The following NPFFR2 variants were observed in gnomAD, a reference collection of about 807,000 sequenced individuals.
NPFFR2 encodes the protein neuropeptide FF receptor 2.
NPFFR2 carries 15 observed loss-of-function variants against 13.1 expected under a neutral mutation model. The ratio of observed to expected loss-of-function variants is 1.15; its 90% CI spans 0.77 to 1.76. NPFFR2 has a LOEUF of 1.76. Ranked by LOEUF, NPFFR2 falls within the 40% of genes most tolerant of loss-of-function variation. NPFFR2 has a pLI of 0.00. For synonymous variants in NPFFR2, 190 were observed against 175.7 expected, an observed-to-expected ratio of 1.08 and a Z score of -0.65; for missense variants, 572 against 503.5, an observed-to-expected ratio of 1.14 and a Z score of -1.30.
intron 1 of NPFFR2, among the ~76,000 whole-genome samples, chr4:72,109,166 C>G (rs1164060313): frequency 6.6e-6 from 1 of 151,910 alleles, no homozygotes; most frequent in Non-Finnish European, 1.5e-5. Context: ...GAAAAGAAGT[C>G]CAAGGATTTT....
At chr4:72,132,570 C>T (rs1012615929) in intron 2 of NPFFR2, among the ~76,000 whole-genome samples, 10 of 152,158 alleles carry the variant, frequency 6.6e-5, no homozygotes, top group Non-Finnish European at 1.3e-4. Context: ...TGAGGCATTG[C>T]CACATTGTCC....
At chr4:72,133,727 G>A (rs180826978) in intron 2 of NPFFR2, among the ~76,000 whole-genome samples, 222 of 152,062 alleles carry the variant, frequency 1.5e-3, no homozygotes, top group African/African-American at 4.9e-3. Context: ...TTTCACCTCC[G>A]TAGTTAGCTG....
intron 1 of NPFFR2, among the ~76,000 whole-genome samples, chr4:72,043,098 C>G (rs746046945): frequency 4.5e-4 from 69 of 152,136 alleles, no homozygotes; most frequent in Non-Finnish European, 8.4e-4. Context: ...GGTCAATGTA[C>G]ATTTCGGGCC....
intron 1 of NPFFR2, among the ~76,000 whole-genome samples, chr4:72,064,949 G>C (rs367811838): frequency 6.6e-6 from 1 of 152,118 alleles, no homozygotes; most frequent in East Asian, 1.9e-4. Flanking sequence ...CTGCTGGAGG[G>C]ATGCTTGCAG....
At chr4:72,054,092 T>C (rs1400494613) in intron 1 of NPFFR2, among the ~76,000 whole-genome samples, 1 of 151,986 alleles carries the variant, frequency 6.6e-6, no homozygotes, top group African/African-American at 2.4e-5. Context: ...ATTCAATCTA[T>C]AGATTCAATC....
intron 1 of NPFFR2, among the ~76,000 whole-genome samples, chr4:72,058,397 TA>T (rs5859299): frequency 3.4e-4 from 50 of 147,764 alleles, no homozygotes; most frequent in African/African-American, 1.0e-3. Context: ...AAATAAAAAG[TA>T]AAAAAAAAAA....
At chr4:72,035,957 C>T (rs1357683320) in intron 1 of NPFFR2, among the ~76,000 whole-genome samples, 2 of 152,072 alleles carry the variant, frequency 1.3e-5, no homozygotes, top group Non-Finnish European at 2.9e-5. Flanking sequence ...CTCAGTTGAT[C>T]CATATTTTCA....
intron 3 of NPFFR2, among the ~76,000 whole-genome samples, chr4:72,146,226 T>G (rs993695800): frequency 5.9e-4 from 88 of 150,066 alleles, no homozygotes; most frequent in African/African-American, 2.1e-3. Context: ...TGTTGCAGCA[T>G]TAATCTGGGA....
chr4:72,088,354 GT>G (rs551402533), intron 1 of NPFFR2, among the ~76,000 whole-genome samples: 3 of 151,782 alleles, frequency 2.0e-5, no homozygotes, highest in Non-Finnish European at 4.4e-5. Flanking sequence ...AAATGTGTAG[GT>G]TTTGACCTTT....
intron 1 of NPFFR2, among the ~76,000 whole-genome samples, chr4:72,088,985 C>T (rs979986037): frequency 2.6e-5 from 4 of 152,054 alleles, no homozygotes; most frequent in Non-Finnish European, 4.4e-5. Flanking sequence ...AACCCTCTCC[C>T]ACCCTTTCCA....
intron 1 of NPFFR2, among the ~76,000 whole-genome samples, chr4:72,094,635 T>G (rs574181191): frequency 1.0e-3 from 153 of 152,276 alleles, no homozygotes; most frequent in Non-Finnish European, 1.7e-3. Flanking sequence ...CTCACCCAGC[T>G]CCTATGCAGC....
At chr4:72,110,127 G>T (rs1250858596) in intron 1 of NPFFR2, among the ~76,000 whole-genome samples, 1 of 151,904 alleles carries the variant, frequency 6.6e-6, no homozygotes, top group Non-Finnish European at 1.5e-5. Flanking sequence ...GGTGCCCAGT[G>T]GGAGATACTT....
At chr4:72,110,644 A>G (rs1442410034) in intron 1 of NPFFR2, among the ~76,000 whole-genome samples, 2 of 151,976 alleles carry the variant, frequency 1.3e-5, no homozygotes, top group African/African-American at 2.4e-5. Context: ...GAAGCAATCA[A>G]TTGTCTTTTA....
chr4:72,034,651 G>A (rs1001209105), intron 1 of NPFFR2, among the ~76,000 whole-genome samples: 5 of 152,132 alleles, frequency 3.3e-5, no homozygotes, highest in African/African-American at 4.8e-5. Context: ...TGAATTTTAT[G>A]CTTACCATTA....
chr4:72,092,860 A>G, intron 1 of NPFFR2, among the ~76,000 whole-genome samples: 1 of 152,126 alleles, frequency 6.6e-6, no homozygotes, highest in South Asian at 2.1e-4. Context: ...GAAATGTGAG[A>G]CTCTAGTCAA....
At chr4:72,070,236 G>T (rs1239751865) in intron 1 of NPFFR2, among the ~76,000 whole-genome samples, 1 of 152,112 alleles carries the variant, frequency 6.6e-6, no homozygotes, top group East Asian at 1.9e-4. Flanking sequence ...ATAGCTCATT[G>T]AAATAAGAAT....
rs150138480 is a variant in NPFFR2 at position 72,112,797 on chromosome 4, A to T, written c.-7-15788A>T. Among the ~76,000 whole-genome samples, 854 of 151,956 alleles carry T rather than the reference A, an allele frequency of 5.6e-3. 12 individuals carry two copies. Among genetic ancestry groups the T allele is most frequent in the African/African-American group, 0.02 (816 of 41,478 alleles). ...AATGAGTCACATTGTGAGATAGGAA[A>T]TTACCTATCTCACAGGGGAGGGGAT... On this transcript the variant is annotated intron_variant, in intron 1 of 3. Transcript: ENST00000308744.
chr4:72,147,873 T>C lies in NPFFR2; in HGVS notation c.*61T>C. On this transcript the variant is annotated 3_prime_UTR_variant, in exon 4 of 4. Coordinates refer to ENST00000308744, the MANE Select transcript of NPFFR2 (RefSeq NM_004885.3). The stretch of plus-strand genomic sequence containing the variant: ...ATTATATATTTAAATCCATTGCTTT[T>C]TGTGGCTTTGCACTTCAAATTTTTC... 8.0e-7 allele frequency: 1 copy of C among 1,254,640 alleles called. No individual in the cohort carries two copies. The highest frequency in any genetic ancestry group is 1.1e-6 in the Non-Finnish European group (1 of 933,652). The allele number at this position is 1,254,640 out of a possible 1,614,324, so 77.7% of individuals were successfully genotyped here.
Position 72,127,599 on chromosome 4 carries a change from G to A in NPFFR2, c.-7-986G>A, listed in dbSNP as rs867047580. On this transcript the variant is annotated intron_variant, in intron 1 of 3. Coordinates refer to ENST00000308744, the MANE Select transcript of NPFFR2 (RefSeq NM_004885.3). ...AGGATGGTCTCGATCTCCTGACCTC[G>A]TGATCCGCCCGCCTCGGCCTCCCAA... Among the ~76,000 whole-genome samples, 608 of 149,610 alleles carry A rather than the reference G, an allele frequency of 4.1e-3. 1 individual carries two copies. Among genetic ancestry groups the A allele is most frequent in the African/African-American group, 0.014 (582 of 40,760 alleles).
Sources: allele counts gnomAD v4.1 joint callset (sites outside exome capture counted in the v4.1 genomes callset), GRCh38; gene constraint gnomAD v4.1.1; transcripts MANE v1.5; gene names NCBI Gene and HGNC (gene_info 2026-07-23, HGNC 2026-07-21).